Variants in AP3M1 observed in about 807,000 individuals in gnomAD.
AP3M1 encodes the protein adaptor related protein complex 3 subunit mu 1.
Under a neutral mutation model 42.6 loss-of-function variants are expected in AP3M1, and 29 were observed. The ratio of observed to expected loss-of-function variants is 0.68; its 90% confidence interval spans 0.51 to 0.93. The LOEUF (loss-of-function observed/expected upper bound fraction) is 0.93. Among genes scored for constraint, AP3M1 ranks in the 40% least tolerant of loss-of-function variants. The pLI is 0.00. For synonymous variants in AP3M1, 178 were observed against 175.3 expected, an observed-to-expected ratio of 1.02 and a Z score of -0.12; for missense variants, 416 against 510.2, an observed-to-expected ratio of 0.82 and a Z score of 1.78.
At chr10:74,149,173 G>A (rs992585047) in intron 1 of AP3M1, among the ~76,000 whole-genome samples, 5 of 146,554 alleles carry the variant, frequency 3.4e-5, no homozygotes, top group South Asian at 2.3e-4. Context: ...GTGCCTGGCC[G>A]TATATTATAT....
chr10:74,137,866 A>G (rs552620671), intron 2 of AP3M1, among the ~76,000 whole-genome samples: 21 of 152,316 alleles, frequency 1.4e-4, no homozygotes, highest in Admixed American at 5.9e-4. Context: ...GGGTGACTTT[A>G]TGGATGCAGA....
intron 1 of AP3M1, among the ~76,000 whole-genome samples, chr10:74,146,601 T>C (rs1439439116): frequency 1.3e-5 from 2 of 152,166 alleles, no homozygotes; most frequent in Admixed American, 1.3e-4. Context: ...CCTGGTCCTG[T>C]GTAATTTGAC....
In AP3M1 at chr10:74,138,292, CACAG is replaced by C; in HGVS notation, c.84_87del (p.Cys29IlefsTer50). 1 of 1,613,862 alleles carries C rather than the reference CACAG, an allele frequency of 6.2e-7. No individual in the cohort carries two copies. The highest frequency in any genetic ancestry group is 8.5e-7 in the Non-Finnish European group (1 of 1,179,970). Reference sequence around the variant, plus strand: ...TTCTCTTGAGCTTCAAAGAAATAATCACAGACAGACTGGCTCACAACGCTCTTCC... The same window carrying C: ...TTCTCTTGAGCTTCAAAGAAATAATCACAGACTGGCTCACAACGCTCTTCC... On this transcript the variant is annotated frameshift_variant, in exon 2 of 9. Coordinates refer to ENST00000355264, the MANE Select transcript of AP3M1 (RefSeq NM_012095.6). LOFTEE classifies it high-confidence loss of function.
rs1258555163 is a variant in AP3M1, at chr10:74,121,488, G to A, written c.*2322C>T. ...ATATTTTACTACTACTAAGTATTCAGAAATCTTTGTTATCAGTAGGTGGTG... is the reference window on the plus strand; with the variant it reads ...ATATTTTACTACTACTAAGTATTCAAAAATCTTTGTTATCAGTAGGTGGTG... On this transcript the variant is annotated 3_prime_UTR_variant, in exon 9 of 9. Transcript: ENST00000355264. The A allele has an allele frequency of 6.6e-6, 1 of 152,238 alleles. No individual in the cohort carries two copies. Among genetic ancestry groups the A allele is most frequent in the South Asian group, 2.1e-4 (1 of 4,832 alleles). The allele number at this position is 152,238 out of a possible 1,614,324, so 9.4% of individuals were successfully genotyped here.
rs1332835221 is a variant in AP3M1 at position 74,122,520 on chromosome 10, A to G, written c.*1290T>C. ...ATGAAGAAGTTAAATAAAATGTCAC[A>G]ATGAAATTGAGTGCAATAATACAAC... On this transcript the variant is annotated 3_prime_UTR_variant, in exon 9 of 9. Coordinates refer to ENST00000355264, the MANE Select transcript of AP3M1 (RefSeq NM_012095.6). 1 of 152,224 alleles carries G rather than the reference A, an allele frequency of 6.6e-6. No individual in the cohort carries two copies. Among genetic ancestry groups the G allele is most frequent in the Non-Finnish European group, 1.5e-5 (1 of 68,036 alleles). 9.4% of individuals were successfully genotyped at this position (152,224 alleles called of 1,614,324 possible). A position where few individuals can be genotyped will look rare whatever the true frequency, so the allele number is the denominator to read the frequency against.
At chr10:74,131,603 A>T (rs1840782338) in intron 4 of AP3M1, among the ~76,000 whole-genome samples, 1 of 152,210 alleles carries the variant, frequency 6.6e-6, no homozygotes, top group African/African-American at 2.4e-5. Flanking sequence ...GCTGGAGTAC[A>T]GTGGTGTGAA....
intron 1 of AP3M1, among the ~76,000 whole-genome samples, chr10:74,139,876 T>C (rs1841084565): frequency 7.0e-6 from 1 of 143,450 alleles, no homozygotes. Flanking sequence ...ATTGCACCAC[T>C]GTACTCCAGC....
chr10:74,138,008 C>T, intron 2 of AP3M1, 99 bp downstream of exon 2: 1 of 1,247,032 alleles, frequency 8.0e-7, no homozygotes, highest in Admixed American at 2.5e-5. Flanking sequence ...GAGAGACAGA[C>T]AGTAAACATC....
intron 1 of AP3M1, among the ~76,000 whole-genome samples, chr10:74,142,953 G>A (rs1224593225): frequency 1.1e-4 from 17 of 152,192 alleles, no homozygotes; most frequent in Non-Finnish European, 1.5e-5. Flanking sequence ...GACTTCAAGT[G>A]GAGCACTGTA....
chr10:74,149,775 C>T (rs796933845), intron 1 of AP3M1, among the ~76,000 whole-genome samples: 1 of 152,114 alleles, frequency 6.6e-6, no homozygotes. Flanking sequence ...TTGCTTCCTG[C>T]CCCCAAATAG....
chr10:74,121,322 T>TATC lies in AP3M1; in HGVS notation c.*2485_*2487dup, dbSNP rs1262655268. On this transcript the variant is annotated 3_prime_UTR_variant, in exon 9 of 9. Transcript: ENST00000355264. ...TGTAGCACCACTTAAGGAATGAACC[T>TATC]ATCACAGGAACTCCCTTTGAATAAA... 1.3e-5 allele frequency: 2 copies of TATC among 152,242 alleles called. No homozygotes were observed. The highest frequency in any genetic ancestry group is 6.5e-5 in the Admixed American group (1 of 15,282). The allele number at this position is 152,242 out of a possible 1,614,324, so 9.4% of individuals were successfully genotyped here. A position where few individuals can be genotyped will look rare whatever the true frequency, so the allele number is the denominator to read the frequency against.
Position 74,123,610 on chromosome 10 carries a change from AGCT to A in AP3M1, c.*197_*199del. 1.7e-6 allele frequency: 1 copy of A among 572,214 alleles called. No homozygotes were observed. The allele number at this position is 572,214 out of a possible 1,614,324, so 35.4% of individuals were successfully genotyped here. A position where few individuals can be genotyped will look rare whatever the true frequency, so the allele number is the denominator to read the frequency against. On this transcript the variant is annotated 3_prime_UTR_variant, in exon 9 of 9. Coordinates refer to ENST00000355264, the MANE Select transcript of AP3M1 (RefSeq NM_012095.6). ...TTCCTAAGTGAAAAGATACAAAATAAGCTAAGTCACTAAAAGGTTTCCTTAGCT... is the reference window on the plus strand; with the variant it reads ...TTCCTAAGTGAAAAGATACAAAATAAAAGTCACTAAAAGGTTTCCTTAGCT...
chr10:74,140,260 G>A (rs927495516), intron 1 of AP3M1, among the ~76,000 whole-genome samples: 7 of 152,188 alleles, frequency 4.6e-5, no homozygotes, highest in Admixed American at 1.3e-4. Flanking sequence ...GCGGCCGTGC[G>A]CCCAAGCCCC....
At chr10:74,149,267 GTTTTTTTTTTTTTTTTTTT>G (rs57279906) in intron 1 of AP3M1, among the ~76,000 whole-genome samples, 1,442 of 60,038 alleles carry the variant, frequency 0.024, 53 homozygotes, top group African/African-American at 0.079. Context: ...GATACGTAAG[GTTTTTTTTTTTTTTTTTTT>G]TTTTTTTTTT....
At chr10:74,146,777 A>G (rs1841341997) in intron 1 of AP3M1, among the ~76,000 whole-genome samples, 2 of 152,262 alleles carry the variant, frequency 1.3e-5, no homozygotes, top group African/African-American at 4.8e-5. Flanking sequence ...AAGAATGTGC[A>G]TAGTATGAAG....
chr10:74,138,122 A>T lies in AP3M1; in HGVS notation c.258T>A (p.Val86=). The change falls in exon 2 of 9, where the codon GTT becomes GTA. Residue 86 remains valine (V), a synonymous_variant. Transcript: ENST00000355264. ...PLFVIEFLHR[V]ADTFQDYFGE... is the part of the protein sequence containing the mutation. ...GATAACCAACCTGAAAAGTGTCAGC[A>T]ACTCGATGTAGGAACTCAATTACAA... 6.2e-7 allele frequency: 1 copy of T among 1,613,800 alleles called. No homozygotes were observed. Among genetic ancestry groups the T allele is most frequent in the Non-Finnish European group, 8.5e-7 (1 of 1,179,846 alleles).
intron 1 of AP3M1, among the ~76,000 whole-genome samples, chr10:74,148,876 TG>T (rs1167598453): frequency 5.0e-4 from 75 of 151,258 alleles, no homozygotes; most frequent in African/African-American, 1.6e-3. Flanking sequence ...TATATTGGTT[TG>T]TTTTTTTTTT....
At chr10:74,129,768 A>G in intron 5 of AP3M1, 139 bp downstream of exon 5, 1 of 671,940 alleles carries the variant, frequency 1.5e-6, no homozygotes, top group Non-Finnish European at 2.6e-6. Flanking sequence ...CGACTGTCTT[A>G]GGAAACTCTG....
At chr10:74,147,222 C>A (rs1157291553) in intron 1 of AP3M1, among the ~76,000 whole-genome samples, 1 of 151,988 alleles carries the variant, frequency 6.6e-6, no homozygotes, top group African/African-American at 2.4e-5. Context: ...GAGGTGGAGG[C>A]TGCAGTGAGC....
Sources: gnomAD v4.1 joint callset for allele counts (sites outside exome capture counted in the v4.1 genomes callset) on GRCh38, gnomAD v4.1.1 for gene constraint, MANE v1.5 for transcripts, NCBI Gene and HGNC (gene_info 2026-07-23, HGNC 2026-07-21) for gene names.